The following L3MBTL4 variants were observed in gnomAD, a reference collection of about 807,000 sequenced individuals.
L3MBTL4 encodes the protein L3MBTL histone methyl-lysine binding protein 4.
L3MBTL4 carries 70 observed loss-of-function variants against 84.5 expected under a neutral mutation model. The observed-to-expected ratio is 0.83, with a 90% CI of 0.68 to 1.01. L3MBTL4 has a LOEUF of 1.01. Ranked by LOEUF, L3MBTL4 falls within the 50% of genes least tolerant of loss-of-function variation. The probability of loss-of-function intolerance (pLI) is 0.00; values close to 1 mark genes in which losing one functional copy is unlikely to be tolerated. For synonymous variants in L3MBTL4, 274 were observed against 259.8 expected, an observed-to-expected ratio of 1.05 and a Z score of -0.52; for missense variants, 715 against 754.8, an observed-to-expected ratio of 0.95 and a Z score of 0.62.
intron 1 of L3MBTL4, among the ~76,000 whole-genome samples, chr18:6,398,577 C>G (rs2055373727): frequency 6.6e-6 from 1 of 152,154 alleles, no homozygotes; most frequent in South Asian, 2.1e-4. Flanking sequence ...GTCCTTTCCT[C>G]TGTCTGACTT....
chr18:6,079,600 T>A (rs746126044), intron 16 of L3MBTL4, among the ~76,000 whole-genome samples: 1 of 152,238 alleles, frequency 6.6e-6, no homozygotes, highest in Non-Finnish European at 1.5e-5. Context: ...CATTACTACA[T>A]TTATGATATG....
intron 3 of L3MBTL4, among the ~76,000 whole-genome samples, chr18:6,307,616 T>C (rs2050650515): frequency 6.6e-6 from 1 of 152,144 alleles, no homozygotes; most frequent in South Asian, 2.1e-4. Context: ...GACCATACCT[T>C]AGAGCACAAA....
At chr18:6,180,204 G>A (rs973268332) in intron 12 of L3MBTL4, among the ~76,000 whole-genome samples, 31 of 151,968 alleles carry the variant, frequency 2.0e-4, no homozygotes, top group Non-Finnish European at 1.5e-5. Flanking sequence ...TTGCAGACAA[G>A]GGTAATGAAG....
At chr18:5,970,010 C>T (rs552256117) in intron 16 of L3MBTL4, among the ~76,000 whole-genome samples, 1 of 152,340 alleles carries the variant, frequency 6.6e-6, no homozygotes, top group African/African-American at 2.4e-5. Flanking sequence ...TCATGAGTCT[C>T]TAAAGACAGA....
intron 1 of L3MBTL4, chr18:6,394,991 T>C (rs929724815): frequency 6.6e-6 from 1 of 152,190 alleles, no homozygotes; most frequent in Non-Finnish European, 1.5e-5. Flanking sequence ...TGATTCTCAA[T>C]ACCTTGACAT....
intron 5 of L3MBTL4, among the ~76,000 whole-genome samples, chr18:6,257,263 G>A (rs964690466): frequency 2.0e-5 from 3 of 152,032 alleles, no homozygotes; most frequent in Admixed American, 6.6e-5. Flanking sequence ...AACCTCTCCC[G>A]GGAACCAGAG....
chr18:6,397,109 G>C (rs555087978), intron 1 of L3MBTL4: 1 of 152,334 alleles, frequency 6.6e-6, no homozygotes, highest in South Asian at 2.1e-4. Flanking sequence ...CAAAGACAGA[G>C]AGGAAAGGAG....
intron 1 of L3MBTL4, among the ~76,000 whole-genome samples, chr18:6,315,356 G>A (rs915813995): frequency 1.3e-5 from 2 of 152,158 alleles, no homozygotes; most frequent in Admixed American, 1.3e-4. Context: ...ACAAATGAAT[G>A]CATTTTGATA....
chr18:6,298,968 C>A (rs1456335828), intron 4 of L3MBTL4, among the ~76,000 whole-genome samples: 1 of 152,146 alleles, frequency 6.6e-6, no homozygotes, highest in Non-Finnish European at 1.5e-5. Context: ...AGCACTTACA[C>A]ATTTAGAAGG....
intron 9 of L3MBTL4, among the ~76,000 whole-genome samples, chr18:6,239,007 A>T (rs925804907): frequency 1.3e-5 from 2 of 152,028 alleles, no homozygotes; most frequent in Non-Finnish European, 2.9e-5. Context: ...TAGGCTTTCG[A>T]AGAATTCACT....
At position 6,213,231 on chromosome 18, in the gene L3MBTL4, A is replaced by G. The variant is rs374471908; in HGVS notation, c.899T>C (p.Met300Thr). ...MRLPHGFLPN[M>T]KLEVVDKRNP... ...CCGTTTATCCACAACTTCAAGTTTC[A>G]TATTTGGCAGAAAACCATGAGGCAA... Residue 300 changes from methionine to threonine, a missense_variant, in exon 12 of 19, where the codon ATG (methionine) becomes ACG (threonine). Coordinates refer to ENST00000317931, the MANE Select transcript of L3MBTL4 (RefSeq NM_001330559.2). 12 of 1,609,890 alleles carry G rather than the reference A, an allele frequency of 7.5e-6. No individual in the cohort carries two copies. The highest frequency in any genetic ancestry group is 5.1e-5 in the Admixed American group (3 of 59,328).
chr18:6,058,638 A>G (rs2057104370), intron 16 of L3MBTL4, among the ~76,000 whole-genome samples: 1 of 152,156 alleles, frequency 6.6e-6, no homozygotes. Context: ...ATTTCCCTTT[A>G]GCACTGCAAT....
intron 1 of L3MBTL4, among the ~76,000 whole-genome samples, chr18:6,393,887 C>A (rs1351977254): frequency 6.6e-6 from 1 of 152,120 alleles, no homozygotes; most frequent in Non-Finnish European, 1.5e-5. Context: ...GAATATGGAG[C>A]CCTCATGTGG....
intron 16 of L3MBTL4, among the ~76,000 whole-genome samples, chr18:6,057,610 C>G (rs1006383507): frequency 6.6e-6 from 1 of 151,834 alleles, no homozygotes; most frequent in Non-Finnish European, 1.5e-5. Context: ...TCACTGAAAA[C>G]TTGGCAGTCA....
intron 16 of L3MBTL4, among the ~76,000 whole-genome samples, chr18:6,071,799 A>AAG (rs2057653689): frequency 1.4e-5 from 2 of 145,224 alleles, no homozygotes; most frequent in African/African-American, 5.5e-5. Context: ...GAAAGAAAGA[A>AAG]AGAAAAAGAA....
chr18:6,280,797 C>G (rs1384240084), intron 4 of L3MBTL4, among the ~76,000 whole-genome samples: 1 of 152,050 alleles, frequency 6.6e-6, no homozygotes. Context: ...ACAACAGGAG[C>G]ACAAGAGAGA....
chr18:5,987,440 C>T (rs752763750), intron 16 of L3MBTL4, among the ~76,000 whole-genome samples: 2 of 152,224 alleles, frequency 1.3e-5, no homozygotes, highest in African/African-American at 2.4e-5. Flanking sequence ...CACACAGACC[C>T]GTGGCCACGT....
Position 6,035,248 on chromosome 18 carries a change from C to A in L3MBTL4, c.1444+45633G>T, listed in dbSNP as rs1474472966. Among the ~76,000 whole-genome samples, 7 of 151,994 alleles carry A rather than the reference C, an allele frequency of 4.6e-5. No homozygotes were observed. The East Asian group carries it at 1.2e-3, about 25-fold the overall frequency. ...CATGCCTATGTCCTGAATGGTAATG[C>A]CTAGGTTTTCTTCTAGGGTTTTTAT... On this transcript the variant is annotated intron_variant, in intron 16 of 18. Transcript: ENST00000317931.
At chr18:6,067,037 A>C (rs1568059144) in intron 16 of L3MBTL4, among the ~76,000 whole-genome samples, 1 of 151,512 alleles carries the variant, frequency 6.6e-6, no homozygotes, top group South Asian at 2.1e-4. Flanking sequence ...GAAAGACTTT[A>C]TCTCTCCTTC....
Sources: gnomAD v4.1 joint callset for allele counts (sites outside exome capture counted in the v4.1 genomes callset) on GRCh38, gnomAD v4.1.1 for gene constraint, MANE v1.5 for transcripts, NCBI Gene and HGNC (gene_info 2026-07-23, HGNC 2026-07-21) for gene names.